The following STK3 variants were observed in gnomAD, a reference collection of about 807,000 sequenced individuals.
STK3 encodes the protein serine/threonine kinase 3.
A neutral mutation model predicts 58.0 loss-of-function variants in STK3; 41 were observed. The observed-to-expected ratio is 0.71, with a 90% CI of 0.55 to 0.92. STK3 has a LOEUF of 0.92. STK3 is among the 40% of genes least tolerant of loss of function. The pLI is 0.00. For synonymous variants in STK3, 170 were observed against 191.0 expected (o/e 0.89, Z 0.91); for missense variants, 479 against 602.7 (o/e 0.79, Z 2.15).
At chr8:98,458,644 C>T (rs1819694467) in intron 10 of STK3, among the ~76,000 whole-genome samples, 1 of 152,110 alleles carries the variant, frequency 6.6e-6, no homozygotes, top group African/African-American at 2.4e-5. Context: ...TAGGGAGACA[C>T]CTGGTGGGAG....
Position 98,633,854 on chromosome 8 carries a change from C to CA in STK3, c.685-37686dup, listed in dbSNP as rs981643920. 4.6e-5 allele frequency: 19 copies of CA among 414,424 alleles called. No homozygotes were observed. The Admixed American group carries it at 6.7e-4, about 15-fold the overall frequency. 25.7% of individuals were successfully genotyped at this position (414,424 alleles called of 1,614,324 possible). A position where few individuals can be genotyped will look rare whatever the true frequency, so the allele number is the denominator to read the frequency against. On this transcript the variant is annotated intron_variant, in intron 6 of 10. Coordinates refer to ENST00000419617, the MANE Select transcript of STK3 (RefSeq NM_006281.4). Reference sequence around the variant, plus strand: ...TTGAAGATCCCAAACTTGAAGTCATCAAAAAACCCCAGGCCTGAAGAAATA... The same window carrying CA: ...TTGAAGATCCCAAACTTGAAGTCATCAAAAAAACCCCAGGCCTGAAGAAATA...
At chr8:98,856,301 A>G (rs1254954831) in intron 3 of STK3, among the ~76,000 whole-genome samples, 1 of 148,712 alleles carries the variant, frequency 6.7e-6, no homozygotes, top group Non-Finnish European at 1.5e-5. Context: ...TGGGTGACAG[A>G]GTGAGTGAGA....
chr8:98,611,328 GAA>G (rs570746615), intron 6 of STK3, among the ~76,000 whole-genome samples: 1 of 151,770 alleles, frequency 6.6e-6, no homozygotes, highest in Non-Finnish European at 1.5e-5. Context: ...CTGAAAATAT[GAA>G]AAGTTTATAA....
chr8:98,784,065 AAAGAGCACTTTGTT>A (rs1338245724), intron 1 of STK3, among the ~76,000 whole-genome samples: 3 of 152,224 alleles, frequency 2.0e-5, no homozygotes, highest in Non-Finnish European at 4.4e-5. Flanking sequence ...CCAGGTCAAG[AAAGAGCACTTTGTT>A]TCTTCTAAGC....
chr8:98,618,804 G>A (rs1179330239), intron 6 of STK3, among the ~76,000 whole-genome samples: 30 of 148,592 alleles, frequency 2.0e-4, no homozygotes, highest in African/African-American at 6.7e-4. Context: ...ACTGCTCAAG[G>A]AAATAGAAGA....
intron 3 of STK3, among the ~76,000 whole-genome samples, chr8:98,410,371 C>T (rs144054728): frequency 1.6e-3 from 242 of 152,280 alleles, no homozygotes; most frequent in African/African-American, 5.6e-3. Flanking sequence ...GACCCCCAGG[C>T]ATCACTAACA....
chr8:98,362,854 C>T, the STK3 span, among the ~76,000 whole-genome samples: 1 of 152,198 alleles, frequency 6.6e-6, no homozygotes, highest in East Asian at 1.9e-4. Context: ...CACAGCTGGG[C>T]ACCTCAGCAA....
At chr8:98,510,765 G>A (rs531226712) in intron 10 of STK3, among the ~76,000 whole-genome samples, 1 of 152,168 alleles carries the variant, frequency 6.6e-6, no homozygotes, top group Admixed American at 6.6e-5. Flanking sequence ...GATTTGATTG[G>A]ATGGCAAAAT....
At chr8:98,760,296 C>G (rs1269695025) in intron 3 of STK3, among the ~76,000 whole-genome samples, 2 of 152,112 alleles carry the variant, frequency 1.3e-5, no homozygotes, top group Non-Finnish European at 2.9e-5. Context: ...CATGCACACA[C>G]CCGGACTAAT....
intron 6 of STK3, among the ~76,000 whole-genome samples, chr8:98,613,540 A>C (rs999100003): frequency 6.6e-6 from 1 of 152,146 alleles, no homozygotes; most frequent in Non-Finnish European, 1.5e-5. Context: ...ATATAGAATA[A>C]TACTAAAATA....
chr8:98,455,551 C>CT lies in STK3; in HGVS notation c.*290_*291insA. The CT allele has an allele frequency of 5.3e-6, 2 of 375,786 alleles. No individual in the cohort carries two copies. The highest frequency in any genetic ancestry group is 8.8e-5 in the Admixed American group (2 of 22,800). The allele number at this position is 375,786 out of a possible 1,614,324, so 23.3% of individuals were successfully genotyped here. ...CAATGCAACAATAGCTTTGGATTTT[C>CT]AAGGTTTAGAGACCTTGAAAATCCA... On this transcript the variant is annotated 3_prime_UTR_variant, in exon 11 of 11. Coordinates refer to ENST00000419617, the MANE Select transcript of STK3 (RefSeq NM_006281.4).
chr8:98,620,952 C>T (rs575294770), intron 6 of STK3, among the ~76,000 whole-genome samples: 4 of 124,868 alleles, frequency 3.2e-5, no homozygotes, highest in East Asian at 2.3e-4. Context: ...TTTTTTGAGA[C>T]GGAGTCTCGC....
At chr8:98,487,217 G>A (rs1822339080) in intron 10 of STK3, among the ~76,000 whole-genome samples, 1 of 152,162 alleles carries the variant, frequency 6.6e-6, no homozygotes, top group Non-Finnish European at 1.5e-5. Context: ...TCAATGAGAA[G>A]TATACAGATA....
At position 98,428,600 on chromosome 8, in the gene STK3, T is replaced by C; in HGVS notation, n.483+5527A>G. ...GGTCCATCATCACCATGTGCCTCAA[T>C]AGCCTGCCCGATTTCCAAATCCCTG... On this transcript the variant is annotated intron_variant and non_coding_transcript_variant, in intron 3 of 3. Coordinates refer to the STK3 transcript ENST00000517832. The surrounding 1 kb of genome is among the most constrained non-coding windows in gnomAD (Gnocchi z 6.7). 6.2e-7 allele frequency: 1 copy of C among 1,614,086 alleles called. No individual in the cohort carries two copies. Among genetic ancestry groups the C allele is most frequent in the Non-Finnish European group, 8.5e-7 (1 of 1,180,020 alleles).
At chr8:98,426,119 A>G (rs572290026) in intron 3 of STK3, among the ~76,000 whole-genome samples, 1 of 151,750 alleles carries the variant, frequency 6.6e-6, no homozygotes, top group South Asian at 2.1e-4. Context: ...ACCAGTCCCC[A>G]CTCCAGCTTG....
At chr8:98,378,637 G>A (rs559975375) in intron 2 of STK3, among the ~76,000 whole-genome samples, 6 of 152,164 alleles carry the variant, frequency 3.9e-5, no homozygotes, top group Non-Finnish European at 8.8e-5. Context: ...AATGATAGCT[G>A]TTTTTATCAA....
intron 3 of STK3, among the ~76,000 whole-genome samples, chr8:98,750,796 C>A (rs534719919): frequency 6.6e-6 from 1 of 151,968 alleles, no homozygotes; most frequent in Admixed American, 6.6e-5. Flanking sequence ...AGAGATACAA[C>A]AAAAAAAGAA....
At chr8:98,941,636 G>C (rs1840435412) in intron 1 of STK3, among the ~76,000 whole-genome samples, 1 of 152,260 alleles carries the variant, frequency 6.6e-6, no homozygotes, top group East Asian at 1.9e-4. Context: ...ACACCTGCTC[G>C]CTGCTTAGCT....
At chr8:98,554,137 G>T (rs1811418667) in intron 8 of STK3, among the ~76,000 whole-genome samples, 1 of 152,054 alleles carries the variant, frequency 6.6e-6, no homozygotes. Flanking sequence ...ATTATGTAAG[G>T]CTTTTAAACT....
Sources: gnomAD v4.1 joint callset for allele counts (sites outside exome capture counted in the v4.1 genomes callset) on GRCh38, gnomAD v4.1.1 for gene constraint, Gnocchi (gnomAD v3.1) non-coding constraint, MANE v1.5 for transcripts, NCBI Gene and HGNC (gene_info 2026-07-23, HGNC 2026-07-21) for gene names.